Variants in LAMA2 observed in about 807,000 individuals in gnomAD.
The protein encoded by LAMA2 is laminin subunit alpha-2.
Under a neutral mutation model 364.8 loss-of-function variants are expected in LAMA2, and 269 were observed. That is an observed-to-expected ratio of 0.74 (90% CI 0.67 to 0.82). The LOEUF is 0.82. Among genes scored for constraint, LAMA2 ranks in the 40% least tolerant of loss-of-function variants. LAMA2 has a pLI of 0.00. For missense variants in LAMA2, 3,807 were observed against 3,873.2 expected (o/e 0.98, Z 0.45); for synonymous variants, 1,379 against 1,370.6 (o/e 1.01, Z -0.14).
intron 36 of LAMA2, among the ~76,000 whole-genome samples, chr6:129,392,126 C>T (rs1779356936): frequency 6.6e-6 from 1 of 152,092 alleles, no homozygotes; most frequent in Admixed American, 6.6e-5. Context: ...AAAGAAAAGT[C>T]ATCAAATAAT....
chr6:129,156,932 G>A (rs1779149171), intron 8 of LAMA2, among the ~76,000 whole-genome samples: 1 of 152,056 alleles, frequency 6.6e-6, no homozygotes, highest in South Asian at 2.1e-4. Flanking sequence ...TCCTGTGCAT[G>A]CATATAAATT....
At chr6:129,107,612 C>T (rs1048842372) in intron 4 of LAMA2, among the ~76,000 whole-genome samples, 24 of 152,114 alleles carry the variant, frequency 1.6e-4, no homozygotes, top group Admixed American at 3.3e-4. Context: ...AAAACCACAA[C>T]AATAATAATA....
chr6:129,060,034 G>A (rs771360097), intron 3 of LAMA2, 138 bp downstream of exon 3: 22 of 680,902 alleles, frequency 3.2e-5, no homozygotes, highest in Non-Finnish European at 5.1e-5. Flanking sequence ...ATGAACAAAG[G>A]GTCCTATTCA....
Position 129,502,885 on chromosome 6 carries a change from T to TA in LAMA2, c.8357+115dup, listed in dbSNP as rs200486276. 0.011 allele frequency: 9,453 copies of TA among 892,090 alleles called. 78 individuals carry two copies. Among genetic ancestry groups the TA allele is most frequent in the Non-Finnish European group, 0.014 (7,797 of 546,724 alleles). 55.3% of individuals were successfully genotyped at this position (892,090 alleles called of 1,614,324 possible). On this transcript the variant is annotated intron_variant, in intron 59 of 64. Transcript: ENST00000421865. ...TAATTAATGAAGTTAGCTTTTCTTT[T>TA]ATTCACTGAGTACAATAGAGAATAG...
intron 64 of LAMA2, among the ~76,000 whole-genome samples, chr6:129,515,129 A>C (rs1042890062): frequency 6.6e-6 from 1 of 152,216 alleles, no homozygotes; most frequent in Non-Finnish European, 1.5e-5. Context: ...TGAACTGTAG[A>C]GATTTACCTA....
rs754504935 is a variant in LAMA2, at chr6:129,491,878, G to T, written c.7899-23G>T. 3.2e-6 allele frequency: 5 copies of T among 1,558,382 alleles called. No homozygotes were observed. In the South Asian group the frequency reaches 5.6e-5, roughly 17 times the overall value. ...ATTGAATCAGATGTGACTTATACTT[G>T]TTTATTTTTAATATTTTATCAGCAT... is the stretch of plus-strand genomic sequence containing the variant. On this transcript the variant is annotated intron_variant, in intron 56 of 64. Transcript: ENST00000421865.
intron 40 of LAMA2, 36 bp from the exon 41 acceptor site, chr6:129,427,716 G>A (rs768346499): frequency 4.3e-5 from 63 of 1,474,456 alleles, no homozygotes; most frequent in Non-Finnish European, 5.8e-5. Context: ...TTATTCTATG[G>A]TTTTAGATGT....
intron 1 of LAMA2, among the ~76,000 whole-genome samples, chr6:128,986,742 T>A (rs879877141): frequency 6.6e-6 from 1 of 151,992 alleles, no homozygotes; most frequent in Non-Finnish European, 1.5e-5. Context: ...TAAAAAAAAA[T>A]CACTTGAAAA....
chr6:129,217,941 G>T (rs1314789191), intron 12 of LAMA2, among the ~76,000 whole-genome samples: 1 of 151,818 alleles, frequency 6.6e-6, no homozygotes, highest in African/African-American at 2.4e-5. Context: ...AATAAACTTG[G>T]GCCTGTAGCC....
chr6:129,242,255 C>A (rs1785440189), intron 12 of LAMA2, among the ~76,000 whole-genome samples: 1 of 152,134 alleles, frequency 6.6e-6, no homozygotes, highest in Admixed American at 6.6e-5. Context: ...AAGACAAAAT[C>A]TTTAAGCAGT....
chr6:129,246,381 C>T (rs7773869), intron 12 of LAMA2, among the ~76,000 whole-genome samples: 8,270 of 152,186 alleles, frequency 0.054, 726 homozygotes, highest in African/African-American at 0.19. Context: ...TTGTGAACCA[C>T]CTTGAATTAG....
intron 3 of LAMA2, among the ~76,000 whole-genome samples, chr6:129,078,137 T>C (rs1296940953): frequency 6.6e-6 from 1 of 152,004 alleles, no homozygotes; most frequent in African/African-American, 2.4e-5. Context: ...TCTGTATTTT[T>C]TTTTTTTTCT....
At chr6:129,289,752 G>C (rs903000213) in intron 19 of LAMA2, among the ~76,000 whole-genome samples, 2 of 151,878 alleles carry the variant, frequency 1.3e-5, no homozygotes, top group African/African-American at 4.8e-5. Context: ...GAAGTCTTAA[G>C]AACATAAAAA....
chr6:129,277,446 A>C (rs1181223087), intron 17 of LAMA2, among the ~76,000 whole-genome samples: 1 of 152,206 alleles, frequency 6.6e-6, no homozygotes, highest in Admixed American at 6.6e-5. Context: ...GTGAATCTTC[A>C]GTTTATGTTG....
chr6:129,326,774 T>C (rs1284753471), intron 28 of LAMA2, among the ~76,000 whole-genome samples: 1 of 144,992 alleles, frequency 6.9e-6, no homozygotes, highest in South Asian at 2.1e-4. Flanking sequence ...TAATATATAA[T>C]TTATATATTA....
Position 129,507,552 on chromosome 6 carries a change from G to GA in LAMA2, c.8769dup (p.Gln2924ThrfsTer22), listed in dbSNP as rs1583929127. ...CATGGCAGAGGCCCCTGCCGATCTG[G>GA]AACAACCCACCTCCAGCTTCCATGT... On this transcript the variant is annotated frameshift_variant, in exon 62 of 65. Coordinates refer to ENST00000421865, the MANE Select transcript of LAMA2 (RefSeq NM_000426.4). LOFTEE classifies it high-confidence loss of function. 1 of 1,614,160 alleles carries GA rather than the reference G, an allele frequency of 6.2e-7. No homozygotes were observed. The highest frequency in any genetic ancestry group is 1.1e-5 in the South Asian group (1 of 91,086).
chr6:129,024,849 G>A (rs538953371), intron 1 of LAMA2, among the ~76,000 whole-genome samples: 22 of 152,168 alleles, frequency 1.4e-4, no homozygotes, highest in African/African-American at 5.1e-4. Context: ...CTTGGGAGGC[G>A]GAGACAGGAG....
At chr6:129,492,573 C>T (rs1784929681) in intron 58 of LAMA2, 90 bp downstream of exon 58, 1 of 1,138,874 alleles carries the variant, frequency 8.8e-7, no homozygotes, top group Non-Finnish European at 1.3e-6. Flanking sequence ...ATATCTAGTA[C>T]ACTCTGATAT....
intron 22 of LAMA2, among the ~76,000 whole-genome samples, chr6:129,301,171 T>C (rs566044655): frequency 4.6e-5 from 7 of 152,178 alleles, no homozygotes; most frequent in African/African-American, 1.7e-4. Context: ...AGGACATACA[T>C]GTGCAAAGTA....
Sources: gnomAD v4.1 joint callset for allele counts (sites outside exome capture counted in the v4.1 genomes callset) on GRCh38, gnomAD v4.1.1 for gene constraint, MANE v1.5 for transcripts, NCBI Gene and HGNC (gene_info 2026-07-23, HGNC 2026-07-21) for gene names.